RHOBTB3: variants seen among roughly 807,000 people sequenced by gnomAD.
RHOBTB3 encodes rho-related BTB domain-containing protein 3.
RHOBTB3 carries 47 observed loss-of-function variants against 67.2 expected under a neutral mutation model. The observed-to-expected ratio is 0.70, with a 90% CI of 0.55 to 0.89. The LOEUF (loss-of-function observed/expected upper bound fraction) is 0.89. Ranked by LOEUF, RHOBTB3 falls within the 40% of genes least tolerant of loss-of-function variation. The probability of loss-of-function intolerance (pLI) is 0.00; values close to 1 mark genes in which losing one functional copy is unlikely to be tolerated. For synonymous variants in RHOBTB3, 273 were observed against 274.2 expected (o/e 1.00, Z 0.04); for missense variants, 631 against 750.0 (o/e 0.84, Z 1.85).
At chr5:95,777,971 T>C (rs1369679401) in intron 8 of RHOBTB3, among the ~76,000 whole-genome samples, 1 of 152,052 alleles carries the variant, frequency 6.6e-6, no homozygotes, top group Non-Finnish European at 1.5e-5. Flanking sequence ...ACCAAAAAAG[T>C]TAGCCAGGCA....
chr5:95,779,663 G>T (rs1389246389), intron 8 of RHOBTB3, among the ~76,000 whole-genome samples: 2 of 152,208 alleles, frequency 1.3e-5, no homozygotes, highest in Non-Finnish European at 2.9e-5. Flanking sequence ...TGAGGAAGTA[G>T]TGTGCTGGGG....
At chr5:95,743,104 A>AT (rs1350616675) in intron 3 of RHOBTB3, among the ~76,000 whole-genome samples, 12 of 151,916 alleles carry the variant, frequency 7.9e-5, no homozygotes, top group Non-Finnish European at 1.8e-4. Flanking sequence ...AATAAAAAAA[A>AT]CTCTCAGGAT....
At chr5:95,738,346 T>C (rs1755508149) in intron 3 of RHOBTB3, among the ~76,000 whole-genome samples, 1 of 152,236 alleles carries the variant, frequency 6.6e-6, no homozygotes, top group Non-Finnish European at 1.5e-5. Flanking sequence ...CGCTACAGTC[T>C]GACTTTGACT....
At chr5:95,722,220 G>T (rs929452050) in intron 1 of RHOBTB3, among the ~76,000 whole-genome samples, 1 of 152,176 alleles carries the variant, frequency 6.6e-6, no homozygotes, top group Non-Finnish European at 1.5e-5. Flanking sequence ...GAGTGCAGGA[G>T]ATGGGGAAGG....
At chr5:95,762,777 G>C (rs2112808246) in intron 6 of RHOBTB3, among the ~76,000 whole-genome samples, 1 of 152,348 alleles carries the variant, frequency 6.6e-6, no homozygotes, top group South Asian at 2.1e-4. Context: ...TGGATAGGAA[G>C]TTGCTGCAGA....
intron 5 of RHOBTB3, among the ~76,000 whole-genome samples, chr5:95,753,654 T>C (rs910743358): frequency 6.6e-6 from 1 of 152,168 alleles, no homozygotes; most frequent in Non-Finnish European, 1.5e-5. Flanking sequence ...GTCTATTAGG[T>C]TGCAAACCCT....
chr5:95,737,863 C>T (rs1755490427), intron 3 of RHOBTB3, among the ~76,000 whole-genome samples: 1 of 152,220 alleles, frequency 6.6e-6, no homozygotes, highest in African/African-American at 2.4e-5. Flanking sequence ...AAGGCTCCCT[C>T]ATGCTCTTCC....
chr5:95,770,619 A>G, intron 8 of RHOBTB3: 1 of 482,758 alleles, frequency 2.1e-6, no homozygotes, highest in South Asian at 1.6e-5. Context: ...CTTCTCCATT[A>G]ATTACAGCAG....
At chr5:95,724,041 G>A (rs182410712) in intron 1 of RHOBTB3, among the ~76,000 whole-genome samples, 2 of 152,206 alleles carry the variant, frequency 1.3e-5, no homozygotes, top group Admixed American at 6.5e-5. Flanking sequence ...ATTTGATAAC[G>A]ATACATACAT....
chr5:95,780,120 T>C (rs1483607830), intron 8 of RHOBTB3, 132 bp from the exon 9 acceptor site: 15 of 614,498 alleles, frequency 2.4e-5, no homozygotes, highest in Non-Finnish European at 3.6e-5. Context: ...ATGGTAGTTA[T>C]CACTCCCAAA....
intron 8 of RHOBTB3, among the ~76,000 whole-genome samples, chr5:95,775,278 T>C (rs1243878927): frequency 1.3e-5 from 2 of 151,970 alleles, no homozygotes; most frequent in African/African-American, 4.8e-5. Flanking sequence ...TTTTGAGTGC[T>C]GATGTGGTGC....
At chr5:95,784,071 T>G in intron 10 of RHOBTB3, 108 bp downstream of exon 10, 1 of 918,254 alleles carries the variant, frequency 1.1e-6, no homozygotes, top group Non-Finnish European at 1.5e-6. Flanking sequence ...TAGTCTTAGT[T>G]TGGAAGTTTG....
At chr5:95,767,628 G>C in intron 7 of RHOBTB3, 1 of 538,126 alleles carries the variant, frequency 1.9e-6, no homozygotes, top group Non-Finnish European at 3.3e-6. Flanking sequence ...ACTGCACCTG[G>C]CCAAAAAATG....
chr5:95,740,852 A>AAC (rs375464112), intron 3 of RHOBTB3, among the ~76,000 whole-genome samples: 1,728 of 151,872 alleles, frequency 0.011, 23 homozygotes, highest in African/African-American at 0.028. Flanking sequence ...AGATTTTATA[A>AAC]ACACACACAC....
chr5:95,745,394 T>C (rs1034884442), intron 3 of RHOBTB3, among the ~76,000 whole-genome samples: 1 of 152,162 alleles, frequency 6.6e-6, no homozygotes, highest in Admixed American at 6.5e-5. Flanking sequence ...TGAATCTATC[T>C]TGAAAAGAGA....
chr5:95,787,170 C>A (rs1746246431), intron 10 of RHOBTB3, among the ~76,000 whole-genome samples: 1 of 152,204 alleles, frequency 6.6e-6, no homozygotes, highest in African/African-American at 2.4e-5. Context: ...TCAGTCACAG[C>A]CCTTAAGGCA....
intron 7 of RHOBTB3, among the ~76,000 whole-genome samples, chr5:95,767,043 A>G (rs1000191075): frequency 6.6e-6 from 1 of 151,772 alleles, no homozygotes; most frequent in African/African-American, 2.4e-5. Flanking sequence ...AAATGGCAAA[A>G]CCCTGTCTCT....
At chr5:95,742,798 C>T (rs757217952) in intron 3 of RHOBTB3, among the ~76,000 whole-genome samples, 7 of 152,178 alleles carry the variant, frequency 4.6e-5, no homozygotes, top group South Asian at 2.1e-4. Context: ...TCAGACCAGG[C>T]GCAGTGGCTC....
intron 3 of RHOBTB3, among the ~76,000 whole-genome samples, chr5:95,739,536 T>G (rs1415026331): frequency 6.6e-6 from 1 of 152,220 alleles, no homozygotes. Context: ...TGTCAAATAC[T>G]ACAGACATTT....
Sources: allele counts gnomAD v4.1 joint callset (sites outside exome capture counted in the v4.1 genomes callset), GRCh38; gene constraint gnomAD v4.1.1; transcripts MANE v1.5; gene names NCBI Gene and HGNC (gene_info 2026-07-23, HGNC 2026-07-21).